The following ARL13B variants were observed in gnomAD, a reference collection of about 807,000 sequenced individuals.
The protein encoded by ARL13B is ADP-ribosylation factor-like protein 13B.
In ARL13B, 36 loss-of-function variants were observed where a neutral mutation model predicts 56.1. The ratio of observed to expected loss-of-function variants is 0.64; its 90% CI spans 0.49 to 0.85. The LOEUF (loss-of-function observed/expected upper bound fraction) is 0.85, where lower values mean the gene tolerates loss of function less well. ARL13B is among the 40% of genes least tolerant of loss of function. The probability of loss-of-function intolerance (pLI) is 0.00; values close to 1 mark genes in which losing one functional copy is unlikely to be tolerated. For synonymous variants in ARL13B, 178 were observed against 171.1 expected (o/e 1.04, Z -0.32); for missense variants, 519 against 507.1 (o/e 1.02, Z -0.23).
At chr3:94,048,387 C>T (rs2077015003) in intron 7 of ARL13B, among the ~76,000 whole-genome samples, 2 of 152,132 alleles carry the variant, frequency 1.3e-5, no homozygotes, top group South Asian at 4.1e-4. Context: ...ACTACTATGT[C>T]ATCCTAATTT....
rs1180268159 is a variant in ARL13B at position 94,055,288 on chromosome 3, T to G, written c.*2025T>G. On this transcript the variant is annotated 3_prime_UTR_variant, in exon 10 of 10. Coordinates refer to ENST00000394222, the MANE Select transcript of ARL13B (RefSeq NM_001174150.2). ...AAAATAATTTATATCAATATTCTGT[T>G]TCTCTTTTCAATTGGTAGATTTAAA... 4.8e-6 allele frequency: 2 copies of G among 416,002 alleles called. No individual in the cohort carries two copies. The highest frequency in any genetic ancestry group is 4.2e-5 in the African/African-American group (2 of 47,950). 25.8% of individuals were successfully genotyped at this position (416,002 alleles called of 1,614,324 possible). A position where few individuals can be genotyped will look rare whatever the true frequency, so the allele number is the denominator to read the frequency against.
At chr3:94,018,220 G>A (rs1380592219) in intron 3 of ARL13B, among the ~76,000 whole-genome samples, 6 of 144,460 alleles carry the variant, frequency 4.2e-5, no homozygotes, top group African/African-American at 1.6e-4. Context: ...TTTAAAAGAT[G>A]TTGTTGCTTT....
rs1192274612 is a variant in ARL13B, at chr3:94,029,355, T to A, written c.381-5976T>A. Among the ~76,000 whole-genome samples, 29 of 135,552 alleles carry A rather than the reference T, an allele frequency of 2.1e-4. 1 individual carries two copies. Among genetic ancestry groups the A allele is most frequent in the East Asian group, 1.3e-3 (6 of 4,740 alleles). The allele number at this position is 135,552 out of a possible 152,430, so 88.9% of individuals were successfully genotyped here. ...ATATATTTATTTTTTTTTTATTTTT[T>A]TTTTTTTTTGAGAAGGAGTCTTGCT... On this transcript the variant is annotated intron_variant, in intron 3 of 9. Coordinates refer to ENST00000394222, the MANE Select transcript of ARL13B (RefSeq NM_001174150.2).
At chr3:94,049,614 T>C in intron 8 of ARL13B, 92 bp downstream of exon 8, 1 of 981,100 alleles carries the variant, frequency 1.0e-6, no homozygotes, top group South Asian at 1.5e-5. Flanking sequence ...TCATTTTTAT[T>C]CTGTATATTC....
At chr3:94,001,575 G>A (rs571023525) in intron 2 of ARL13B, among the ~76,000 whole-genome samples, 12 of 151,528 alleles carry the variant, frequency 7.9e-5, no homozygotes, top group South Asian at 6.3e-4. Flanking sequence ...ACACACTATC[G>A]TCTCTAGCTT....
At chr3:94,014,424 T>C (rs2076283784) in intron 3 of ARL13B, 2 of 1,578,378 alleles carry the variant, frequency 1.3e-6, no homozygotes, top group Middle Eastern at 1.7e-4. Flanking sequence ...AACAACACAG[T>C]ACTCTGCAAG....
At chr3:94,045,302 A>C (rs1385075918) in intron 7 of ARL13B, among the ~76,000 whole-genome samples, 1 of 152,120 alleles carries the variant, frequency 6.6e-6, no homozygotes, top group African/African-American at 2.4e-5. Context: ...GGACACAAAC[A>C]CTGCGGAAGG....
At chr3:94,045,108 T>G (rs1397532797) in intron 7 of ARL13B, among the ~76,000 whole-genome samples, 2 of 152,046 alleles carry the variant, frequency 1.3e-5, no homozygotes, top group Admixed American at 6.5e-5. Context: ...CTAAGAAAAA[T>G]TCTTCTGCCT....
intron 2 of ARL13B, among the ~76,000 whole-genome samples, chr3:94,000,423 G>A (rs1213210083): frequency 6.6e-6 from 1 of 152,080 alleles, no homozygotes; most frequent in African/African-American, 2.4e-5. Flanking sequence ...TTGACTATCA[G>A]ATAGTGTTTC....
At chr3:94,039,373 G>A (rs917972582) in intron 5 of ARL13B, among the ~76,000 whole-genome samples, 2 of 151,732 alleles carry the variant, frequency 1.3e-5, no homozygotes, top group East Asian at 1.9e-4. Flanking sequence ...GGTGGCGGGC[G>A]CCTGTAGTCC....
At position 94,003,723 on chromosome 3, in the gene ARL13B, T is replaced by G. The variant is rs776646616; in HGVS notation, c.195T>G (p.Phe65Leu). Residue 65 changes from phenylalanine to leucine, a missense_variant, in exon 3 of 10, where the codon TTT becomes TTG. Phe to Leu is a conservative substitution (Grantham distance 22, BLOSUM62 0). Transcript: ENST00000394222. ...FSKINLRQGKFEVTIFDLGGG... is the reference protein window; with the variant it reads ...FSKINLRQGKLEVTIFDLGGG... ...AAATTAACCTTAGACAAGGAAAGTT[T>G]GAAGTCACCATCTTTGACTTGGGAG... The G allele has an allele frequency of 1.1e-5, 18 of 1,613,564 alleles. No individual in the cohort carries two copies. The highest frequency in any genetic ancestry group is 1.7e-5 in the Admixed American group (1 of 59,992).
rs1215397966 is a variant in ARL13B at position 93,980,409 on chromosome 3, G to T, written c.-15G>T. ...TCCGGGCTCGGATGGGAAGTGGTGG[G>T]AGGAGCGACCCGGGATGTTCAGTCT... On this transcript the variant is annotated 5_prime_UTR_variant, in exon 1 of 10. Transcript: ENST00000394222. The T allele has an allele frequency of 1.2e-6, 2 of 1,611,790 alleles. No individual in the cohort carries two copies. Among genetic ancestry groups the T allele is most frequent in the South Asian group, 2.2e-5 (2 of 91,084 alleles).
chr3:93,990,989 T>C (rs2075865827), intron 1 of ARL13B, among the ~76,000 whole-genome samples: 1 of 152,202 alleles, frequency 6.6e-6, no homozygotes, highest in Non-Finnish European at 1.5e-5. Flanking sequence ...ATCTTACATA[T>C]ATAGCTAAAC....
At chr3:94,018,655 AAT>A (rs2076383434) in intron 3 of ARL13B, among the ~76,000 whole-genome samples, 1 of 152,122 alleles carries the variant, frequency 6.6e-6, no homozygotes, top group African/African-American at 2.4e-5. Flanking sequence ...GCTGCATTTG[AAT>A]GCCTCTATCC....
chr3:93,993,772 T>G (rs2075917798), intron 1 of ARL13B, among the ~76,000 whole-genome samples: 1 of 152,244 alleles, frequency 6.6e-6, no homozygotes. Flanking sequence ...TGCAGCTTCC[T>G]TAGGAAGTAA....
In ARL13B at chr3:94,021,613, T is replaced by C. The variant is rs138473258; in HGVS notation, c.381-13718T>C. ...TGGCAACTTTGTGAAAGCAGAATTA[T>C]CACCCATGTTTTATTATATACATCT... On this transcript the variant is annotated intron_variant, in intron 3 of 9. Transcript: ENST00000394222. Among the ~76,000 whole-genome samples, 96 of 152,328 alleles carry C rather than the reference T, an allele frequency of 6.3e-4. 1 individual carries two copies. Among genetic ancestry groups the C allele is most frequent in the Non-Finnish European group, 1.1e-3 (75 of 68,030 alleles).
chr3:94,039,790 A>T, intron 5 of ARL13B, 90 bp from the exon 6 acceptor site: 1 of 1,049,690 alleles, frequency 9.5e-7, no homozygotes, highest in Non-Finnish European at 1.4e-6. Flanking sequence ...AAATTACTAC[A>T]TGTAATAGCC....
At chr3:93,983,183 G>C (rs1710299769) in intron 1 of ARL13B, among the ~76,000 whole-genome samples, 1 of 152,148 alleles carries the variant, frequency 6.6e-6, no homozygotes, top group Non-Finnish European at 1.5e-5. Context: ...TCCTCACTTA[G>C]ATCCTTTCCT....
At chr3:94,006,492 T>G (rs2076137757) in intron 3 of ARL13B, among the ~76,000 whole-genome samples, 1 of 152,162 alleles carries the variant, frequency 6.6e-6, no homozygotes, top group Admixed American at 6.5e-5. Flanking sequence ...TTCCCTTTAG[T>G]GTTACCTCCC....
Sources: gnomAD v4.1 joint callset for allele counts (sites outside exome capture counted in the v4.1 genomes callset) on GRCh38, gnomAD v4.1.1 for gene constraint, MANE v1.5 for transcripts, NCBI Gene and HGNC (gene_info 2026-07-23, HGNC 2026-07-21) for gene names.